Variants in PYROXD2 observed in about 807,000 individuals in gnomAD.
PYROXD2 encodes pyridine nucleotide-disulphide oxidoreductase domain 2, also known as pyridine nucleotide-disulfide oxidoreductase domain-containing protein 2.
PYROXD2 carries 69 observed loss-of-function variants against 71.1 expected under a neutral mutation model. That is an observed-to-expected ratio of 0.97 (90% CI 0.80 to 1.19). PYROXD2 has a LOEUF of 1.19. Among genes scored for constraint, PYROXD2 ranks in the 50% most tolerant of loss-of-function variants. The probability of loss-of-function intolerance (pLI) is 0.00; values close to 1 mark genes in which losing one functional copy is unlikely to be tolerated. For missense variants in PYROXD2, 745 were observed against 748.9 expected (o/e 0.99, Z 0.06); for synonymous variants, 287 against 302.7 (o/e 0.95, Z 0.54).
chr10:98,405,209 G>C (rs767994492), intron 4 of PYROXD2, among the ~76,000 whole-genome samples: 1 of 152,220 alleles, frequency 6.6e-6, no homozygotes, highest in African/African-American at 2.4e-5. Flanking sequence ...GGATGGAACC[G>C]GGAGGTGATC....
rs1445244236 is a variant in PYROXD2 at position 98,407,970 on chromosome 10, T to C, written c.175A>G (p.Asn59Asp). The change falls in exon 3 of 16, where the codon AAC (asparagine) becomes GAC (aspartate). Residue 59 changes from asparagine to aspartate, a missense_variant. Physicochemically the swap from Asn to Asp is conservative, Grantham distance 23. Coordinates refer to ENST00000370575, the MANE Select transcript of PYROXD2 (RefSeq NM_032709.3). ...AAAYLQRLGVNTAVFERRHVI... is the reference protein window; with the variant it reads ...AAAYLQRLGVDTAVFERRHVI... ...TGGCGCCTCTCGAAGACGGCGGTGT[T>C]CACCCCCAGTCTCTGCAGGTACGCT... 3 of 1,608,986 alleles carry C rather than the reference T, an allele frequency of 1.9e-6. No homozygotes were observed. The highest frequency in any genetic ancestry group is 2.5e-6 in the Non-Finnish European group (3 of 1,177,958).
intron 15 of PYROXD2, among the ~76,000 whole-genome samples, chr10:98,384,546 G>A (rs1183441101): frequency 1.3e-5 from 2 of 152,208 alleles, no homozygotes; most frequent in Admixed American, 6.5e-5. Flanking sequence ...GAGCCCAGGA[G>A]GTTGAGGCTG....
chr10:98,413,903 A>G (rs1843874212), intron 1 of PYROXD2: 1 of 152,164 alleles, frequency 6.6e-6, no homozygotes, highest in African/African-American at 2.4e-5. Context: ...GAGTTTGGCA[A>G]AAATCAAAGA....
At position 98,383,880 on chromosome 10, in the gene PYROXD2, T is replaced by A; in HGVS notation, c.1676-12A>T. The A allele has an allele frequency of 6.2e-7, 1 of 1,613,082 alleles. No homozygotes were observed. The highest frequency in any genetic ancestry group is 8.5e-7 in the Non-Finnish European group (1 of 1,179,572). On this transcript the variant is annotated splice_polypyrimidine_tract_variant and intron_variant, in intron 15 of 15. Coordinates refer to ENST00000370575, the MANE Select transcript of PYROXD2 (RefSeq NM_032709.3). The stretch of plus-strand genomic sequence containing the variant: ...CATCACACCTCCTCCTGGAAGGGAA[T>A]CTCCTATGAACCAAAGCTCCGCTCA...
At chr10:98,404,688 T>C (rs112804240) in intron 4 of PYROXD2, among the ~76,000 whole-genome samples, 5 of 152,174 alleles carry the variant, frequency 3.3e-5, no homozygotes, top group Non-Finnish European at 5.9e-5. Context: ...AGGGTGTATC[T>C]GTGTGTGTGT....
chr10:98,397,513 T>C lies in PYROXD2; in HGVS notation c.472-15A>G. ...TTGGGAAAGACCTGGAACAGAGCTC[T>C]GCATTAAGGCCCCACTGTCCACATC... On this transcript the variant is annotated splice_polypyrimidine_tract_variant and intron_variant, in intron 5 of 15. Coordinates refer to ENST00000370575, the MANE Select transcript of PYROXD2 (RefSeq NM_032709.3). The C allele has an allele frequency of 6.3e-7, 1 of 1,580,904 alleles. No homozygotes were observed.
chr10:98,394,461 C>T (rs756343762), intron 8 of PYROXD2, among the ~76,000 whole-genome samples: 2 of 151,906 alleles, frequency 1.3e-5, no homozygotes, highest in South Asian at 2.1e-4. Context: ...AAAGCCACGT[C>T]GACGCCTTCT....
At chr10:98,399,109 C>T (rs957965445) in intron 5 of PYROXD2, among the ~76,000 whole-genome samples, 1 of 152,082 alleles carries the variant, frequency 6.6e-6, no homozygotes, top group Non-Finnish European at 1.5e-5. Flanking sequence ...CCACTGCACT[C>T]TAGCCTGGGC....
intron 9 of PYROXD2, 55 bp downstream of exon 9, chr10:98,392,887 T>G (rs1028728501): frequency 5.1e-6 from 8 of 1,575,184 alleles, no homozygotes; most frequent in Middle Eastern, 1.7e-4. Flanking sequence ...TCTGAGACTT[T>G]GTTCTGTCCT....
Position 98,387,233 on chromosome 10 carries a change from C to G in PYROXD2, c.1522G>C (p.Asp508His). Residue 508 changes from aspartate (D) to histidine (H), a missense_variant, in exon 14 of 16, where the codon GAT becomes CAT. Asp to His is a moderately conservative substitution (Grantham distance 81, BLOSUM62 -1). Transcript: ENST00000370575. ...VVGRDILTPP[D>H]LERIFGLPGG... ...GGAAGCCCGAAGATTCTCTCCAAAT[C>G]TGGTGGTGTGAGGATGTCTCTGCCA... The G allele has an allele frequency of 6.2e-7, 1 of 1,614,184 alleles. No individual in the cohort carries two copies. The highest frequency in any genetic ancestry group is 8.5e-7 in the Non-Finnish European group (1 of 1,180,016).
chr10:98,392,382 C>A (rs775072328), intron 10 of PYROXD2, 50 bp downstream of exon 10: 3 of 1,595,522 alleles, frequency 1.9e-6, no homozygotes, highest in Non-Finnish European at 2.6e-6. Context: ...CGATTTCTAA[C>A]CCCTGTTTTG....
intron 2 of PYROXD2, among the ~76,000 whole-genome samples, chr10:98,409,896 G>A (rs1843728965): frequency 6.6e-6 from 1 of 152,072 alleles, no homozygotes; most frequent in African/African-American, 2.4e-5. Flanking sequence ...TGGCCAACAT[G>A]GCGAAACCCC....
At chr10:98,385,620 C>A (rs909826595) in intron 14 of PYROXD2, among the ~76,000 whole-genome samples, 1 of 152,230 alleles carries the variant, frequency 6.6e-6, no homozygotes, top group Non-Finnish European at 1.5e-5. Flanking sequence ...GGACAAGAAG[C>A]CTGACGTCTG....
chr10:98,408,711 G>T (rs1843690887), intron 2 of PYROXD2, among the ~76,000 whole-genome samples: 1 of 152,178 alleles, frequency 6.6e-6, no homozygotes, highest in South Asian at 2.1e-4. Flanking sequence ...ATAAATATTT[G>T]TTGAACCAAA....
chr10:98,393,046 C>T lies in PYROXD2; in HGVS notation c.823G>A (p.Gly275Arg). Reference protein sequence around the residue: ...LLHHVMGGLEGMQGAWGYVQG... With the variant: ...LLHHVMGGLERMQGAWGYVQG... ...ACGTAGCCCCAGGCCCCCTGCATTC[C>T]CTCCAGGCCCCCCATCACATGGTGC... The change falls in exon 9 of 16, where the codon GGA (glycine) becomes AGA (arginine). Residue 275 changes from glycine (G) to arginine (R), a missense_variant. Physicochemically the swap from Gly to Arg is moderately radical, Grantham distance 125. Transcript: ENST00000370575. The T allele has an allele frequency of 1.3e-6, 2 of 1,593,896 alleles. No individual in the cohort carries two copies. The highest frequency in any genetic ancestry group is 1.7e-6 in the Non-Finnish European group (2 of 1,172,714).
intron 15 of PYROXD2, 47 bp from the exon 16 acceptor site, chr10:98,383,915 C>T (rs1188170469): frequency 6.4e-7 from 1 of 1,556,500 alleles, no homozygotes; most frequent in Non-Finnish European, 8.9e-7. Context: ...AAAAACCTGC[C>T]AGGGTGGGGG....
At chr10:98,400,854 C>T (rs544196467) in intron 4 of PYROXD2, among the ~76,000 whole-genome samples, 1 of 152,312 alleles carries the variant, frequency 6.6e-6, no homozygotes, top group Non-Finnish European at 1.5e-5. Flanking sequence ...GATCTGATAG[C>T]CTACCACACA....
At chr10:98,408,099 A>G in intron 2 of PYROXD2, 102 bp from the exon 3 acceptor site, 1 of 1,094,654 alleles carries the variant, frequency 9.1e-7, no homozygotes, top group African/African-American at 1.5e-5. Context: ...ATAGGCCAGT[A>G]TGGGCCACAC....
At position 98,390,633 on chromosome 10, in the gene PYROXD2, G is replaced by C. The variant is rs1437656792; in HGVS notation, c.1257C>G (p.Ala419=). The change falls in exon 12 of 16, where the codon GCC becomes GCG. Residue 419 remains alanine (A), a synonymous_variant. Coordinates refer to ENST00000370575, the MANE Select transcript of PYROXD2 (RefSeq NM_032709.3). The stretch of plus-strand genomic sequence containing the variant: ...GCAGGCCATCCATGGCATCTTCAAA[G>C]GCCTGATGAAGGAGGAGGGTGTCTT... The part of the protein sequence containing the change: ...NCEDTLLLHQ[A]FEDAMDGLPS... 6 of 1,610,020 alleles carry C rather than the reference G, an allele frequency of 3.7e-6. No individual in the cohort carries two copies. The highest frequency in any genetic ancestry group is 5.1e-6 in the Non-Finnish European group (6 of 1,177,730).
Sources: gnomAD v4.1 joint callset for allele counts (sites outside exome capture counted in the v4.1 genomes callset) on GRCh38, gnomAD v4.1.1 for gene constraint, MANE v1.5 for transcripts, NCBI Gene and HGNC (gene_info 2026-07-23, HGNC 2026-07-21) for gene names.